ASXL1: variants seen among roughly 807,000 people sequenced by gnomAD.
The protein encoded by ASXL1 is polycomb group protein ASXL1.
A neutral mutation model predicts 89.1 loss-of-function variants in ASXL1; 65 were observed. The observed-to-expected ratio is 0.73, with a 90% CI of 0.60 to 0.90. ASXL1 has a LOEUF of 0.90. Among genes scored for constraint, ASXL1 ranks in the 40% least tolerant of loss-of-function variants. The probability of loss-of-function intolerance (pLI) is 0.00; values close to 1 mark genes in which losing one functional copy is unlikely to be tolerated. For synonymous variants in ASXL1, 739 were observed against 746.9 expected, an observed-to-expected ratio of 0.99 and a Z score of 0.17; for missense variants, 1,786 against 1,942.9, an observed-to-expected ratio of 0.92 and a Z score of 1.52.
Position 32,431,651 on chromosome 20 carries a change from T to C in ASXL1, c.951T>C (p.Ala317=), listed in dbSNP as rs2123238974. ...ALNNEFFTHA[A]QSWRERLADG... ...ATAACGAGTTTTTTACCCATGCGGC[T>C]CAGAGCTGGCGGGAGCGCCTGGCTG... is the stretch of plus-strand genomic sequence containing the variant. Residue 317 remains alanine, a synonymous_variant, in exon 10 of 13, where the codon GCT becomes GCC. Transcript: ENST00000375687. 2 of 1,613,688 alleles carry C rather than the reference T, an allele frequency of 1.2e-6. No homozygotes were observed. The highest frequency in any genetic ancestry group is 3.5e-4 in the Middle Eastern group (2 of 5,668).
At chr20:32,432,611 C>T (rs1190855880) in intron 10 of ASXL1, 1 of 414,530 alleles carries the variant, frequency 2.4e-6, no homozygotes, top group Non-Finnish European at 4.5e-6. Context: ...TCAGGCCTAC[C>T]TACTATGTTA....
intron 4 of ASXL1, among the ~76,000 whole-genome samples, chr20:32,385,278 A>G (rs1175849265): frequency 1.3e-5 from 2 of 152,228 alleles, no homozygotes; most frequent in African/African-American, 4.8e-5. Flanking sequence ...TTTGGTTCAG[A>G]GATTTGTTTT....
At chr20:32,372,122 T>G in intron 4 of ASXL1, 1 of 1,344,192 alleles carries the variant, frequency 7.4e-7, no homozygotes. Context: ...GTACGTGCTT[T>G]ATGTGTGAAC....
At chr20:32,428,506 T>A in intron 6 of ASXL1, 84 bp downstream of exon 6, 1 of 1,309,902 alleles carries the variant, frequency 7.6e-7, no homozygotes, top group Non-Finnish European at 1.1e-6. Flanking sequence ...TAGTGAGCTG[T>A]GAACATGTTC....
chr20:32,378,355 G>T (rs2048424713), intron 4 of ASXL1, among the ~76,000 whole-genome samples: 1 of 151,994 alleles, frequency 6.6e-6, no homozygotes, highest in Non-Finnish European at 1.5e-5. Context: ...ATCACGTGAG[G>T]TCAGGTGTAG....
chr20:32,424,755 G>T (rs943458952), intron 4 of ASXL1, among the ~76,000 whole-genome samples: 2 of 152,072 alleles, frequency 1.3e-5, no homozygotes, highest in East Asian at 3.8e-4. Flanking sequence ...GCTATCTGTG[G>T]TAGTGTTCCT....
In ASXL1 at chr20:32,433,782, G is replaced by A. The variant is rs2123267737; in HGVS notation, c.1584G>A (p.Glu528=). The change falls in exon 12 of 13, where the codon GAG becomes GAA. Residue 528 remains glutamate, a synonymous_variant. Transcript: ENST00000375687. ...EPKDQKRKSF[E]QAASASFPEK... Reference sequence around the variant, plus strand: ...AGGATCAGAAGAGGAAATCCTTTGAGCAGGCGGCCTCTGCATCCTTTCCCG... The same window carrying A: ...AGGATCAGAAGAGGAAATCCTTTGAACAGGCGGCCTCTGCATCCTTTCCCG... 1 of 1,614,228 alleles carries A rather than the reference G, an allele frequency of 6.2e-7. No individual in the cohort carries two copies. The highest frequency in any genetic ancestry group is 8.5e-7 in the Non-Finnish European group (1 of 1,180,046).
At chr20:32,358,959 T>G in intron 1 of ASXL1, 127 bp downstream of exon 1, 1 of 1,020,808 alleles carries the variant, frequency 9.8e-7, no homozygotes, top group South Asian at 1.9e-5. Flanking sequence ...CATCTTCCTT[T>G]AAGAACGGGA....
chr20:32,431,156 T>C (rs1162884448), intron 8 of ASXL1, 165 bp from the exon 9 acceptor site: 2 of 871,028 alleles, frequency 2.3e-6, no homozygotes, highest in Non-Finnish European at 3.7e-6. Flanking sequence ...GCAATGACAG[T>C]AACCTGGAAA....
intron 4 of ASXL1, among the ~76,000 whole-genome samples, chr20:32,416,873 G>A (rs1174421929): frequency 1.3e-5 from 2 of 152,274 alleles, no homozygotes; most frequent in East Asian, 3.9e-4. Context: ...AACATGCTTT[G>A]TTACGATCAT....
At position 32,434,799 on chromosome 20, in the gene ASXL1, T is replaced by C; in HGVS notation, c.2087T>C (p.Leu696Pro). The part of the protein sequence containing the change: ...KCTSDLQRTQ[L>P]LPPYPLNGEH... ...ACGTCAGATCTACAGCGAACACAAC[T>C]ACTGCCGCCTTATCCTCTAAATGGG... Residue 696 changes from leucine to proline, a missense_variant, in exon 13 of 13, where the codon CTA becomes CCA. Leu to Pro is a moderately conservative substitution (Grantham distance 98). Around this residue, in one of 3 missense-constraint regions of ASXL1, gnomAD observed 1,418 missense variants for 1,427.8 expected, o/e 0.99. Coordinates refer to ENST00000375687, the MANE Select transcript of ASXL1 (RefSeq NM_015338.6). The C allele has an allele frequency of 6.2e-7, 1 of 1,613,976 alleles. No homozygotes were observed. Among genetic ancestry groups the C allele is most frequent in the Non-Finnish European group, 8.5e-7 (1 of 1,180,014 alleles).
At chr20:32,372,378 A>T in intron 4 of ASXL1, 1 of 1,135,922 alleles carries the variant, frequency 8.8e-7, no homozygotes, top group Non-Finnish European at 1.1e-6. Context: ...GGCCTTTTAC[A>T]TCCATAGGCA....
chr20:32,373,146 G>A (rs1296123172), intron 4 of ASXL1, among the ~76,000 whole-genome samples: 1 of 151,366 alleles, frequency 6.6e-6, no homozygotes, highest in Non-Finnish European at 1.5e-5. Flanking sequence ...GGAGGCCGAG[G>A]TGGGTGAATC....
At position 32,431,652 on chromosome 20, in the gene ASXL1, C is replaced by T. The variant is rs1174269593; in HGVS notation, c.952C>T (p.Gln318Ter). The stretch of plus-strand genomic sequence containing the variant: ...TAACGAGTTTTTTACCCATGCGGCT[C>T]AGAGCTGGCGGGAGCGCCTGGCTGA... ...LNNEFFTHAA[Q>*]SWRERLADGE... is the part of the protein sequence containing the mutation. The change falls in exon 10 of 13, where the codon CAG becomes TAG. Residue 318 changes from glutamine (Q) to a stop codon, truncating the protein, a stop_gained. Transcript: ENST00000375687. LOFTEE classifies it high-confidence loss of function. 1 of 1,613,498 alleles carries T rather than the reference C, an allele frequency of 6.2e-7. No homozygotes were observed. The highest frequency in any genetic ancestry group is 8.5e-7 in the Non-Finnish European group (1 of 1,180,040).
intron 1 of ASXL1, among the ~76,000 whole-genome samples, chr20:32,365,401 C>T (rs1407129882): frequency 2.0e-5 from 3 of 152,054 alleles, no homozygotes; most frequent in African/African-American, 4.8e-5. Context: ...GAGTACCTTC[C>T]GCAGCAGACC....
At chr20:32,400,255 G>A (rs757720899) in intron 4 of ASXL1, among the ~76,000 whole-genome samples, 37 of 151,396 alleles carry the variant, frequency 2.4e-4, no homozygotes, top group Middle Eastern at 3.4e-3. Context: ...TTTTTTCCTT[G>A]CCTCTTGCCT....
rs759692682 is a variant in ASXL1 at position 32,436,129 on chromosome 20, A to G, written c.3417A>G (p.Thr1139=). The part of the protein sequence containing the change: ...SMSESPQVPL[T]KDQSHGSLRM... Reference sequence around the variant, plus strand: ...CAGAATCCCCACAAGTACCACTTACAAAAGACCAGAGCCATGGCTCGCTAC... The same window carrying G: ...CAGAATCCCCACAAGTACCACTTACGAAAGACCAGAGCCATGGCTCGCTAC... Residue 1139 remains threonine, a synonymous_variant, in exon 13 of 13, where the codon ACA becomes ACG. Transcript: ENST00000375687. 12 of 1,614,092 alleles carry G rather than the reference A, an allele frequency of 7.4e-6. No homozygotes were observed. Among genetic ancestry groups the G allele is most frequent in the African/African-American group, 5.3e-5 (4 of 74,942 alleles).
chr20:32,387,629 T>G (rs1217769011), intron 4 of ASXL1, among the ~76,000 whole-genome samples: 4 of 152,240 alleles, frequency 2.6e-5, no homozygotes, highest in African/African-American at 9.6e-5. Flanking sequence ...TTAGCCTGTC[T>G]GCAGTTCAGG....
chr20:32,401,561 C>CCTT (rs796953849), intron 4 of ASXL1, among the ~76,000 whole-genome samples: 11 of 137,920 alleles, frequency 8.0e-5, no homozygotes, highest in African/African-American at 3.2e-4. Flanking sequence ...CCCCCCCCCC[C>CCTT]TTTTTTTTTT....
Sources: gnomAD v4.1 joint callset for allele counts (sites outside exome capture counted in the v4.1 genomes callset) on GRCh38, gnomAD v4.1.1 for gene constraint, gnomAD v4.1.1 regional missense constraint, MANE v1.5 for transcripts, NCBI Gene and HGNC (gene_info 2026-07-23, HGNC 2026-07-21) for gene names.